AXDND1: variants seen among roughly 807,000 people sequenced by gnomAD.
AXDND1 encodes the protein axonemal dynein light chain domain containing 1.
In AXDND1, 110 loss-of-function variants were observed where a neutral mutation model predicts 137.5. The ratio of observed to expected loss-of-function variants is 0.80; its 90% CI spans 0.69 to 0.94. The LOEUF is 0.94. Among genes scored for constraint, AXDND1 ranks in the 40% least tolerant of loss-of-function variants. The pLI, the probability that AXDND1 is intolerant of heterozygous loss-of-function variation, is 0.00. For missense variants in AXDND1, 1,191 were observed against 1,169.8 expected, an observed-to-expected ratio of 1.02 and a Z score of -0.26; for synonymous variants, 414 against 399.7, an observed-to-expected ratio of 1.04 and a Z score of -0.43.
At position 179,489,133 on chromosome 1, in the gene AXDND1, AGT is replaced by A. The variant is rs1666548174; in HGVS notation, c.2092-2404_2092-2403del. On this transcript the variant is annotated intron_variant, in intron 18 of 25. Transcript: ENST00000367618. The stretch of plus-strand genomic sequence containing the variant: ...AGAAGTCTTTTCACAAAAGAAAAGC[AGT>A]CAATTCATCTTAAAATGTCTTTTAA... Among the ~76,000 whole-genome samples, 2 of 125,780 alleles carry A rather than the reference AGT, an allele frequency of 1.6e-5. 1 individual carries two copies. Among genetic ancestry groups the A allele is most frequent in the African/African-American group, 7.1e-5 (2 of 28,296 alleles). 82.5% of individuals were successfully genotyped at this position (125,780 alleles called of 152,430 possible). A position where few individuals can be genotyped will look rare whatever the true frequency, so the allele number is the denominator to read the frequency against.
chr1:179,459,824 TTTC>T (rs1264535215), intron 16 of AXDND1, among the ~76,000 whole-genome samples: 4 of 143,298 alleles, frequency 2.8e-5, no homozygotes, highest in Admixed American at 1.4e-4. Context: ...TCCTTCTCTT[TTTC>T]TTTTCTTTTC....
chr1:179,402,936 T>A (rs988449695), intron 11 of AXDND1, among the ~76,000 whole-genome samples: 4 of 152,222 alleles, frequency 2.6e-5, no homozygotes, highest in African/African-American at 9.6e-5. Flanking sequence ...TAGCAGCATT[T>A]GTCACAATGG....
chr1:179,375,499 C>T (rs1332230793), intron 4 of AXDND1, among the ~76,000 whole-genome samples: 1 of 149,970 alleles, frequency 6.7e-6, no homozygotes, highest in Non-Finnish European at 1.5e-5. Context: ...TAATGTATAA[C>T]ATATAATGTA....
At chr1:179,443,416 T>A (rs1404858032) in intron 15 of AXDND1, among the ~76,000 whole-genome samples, 1 of 152,190 alleles carries the variant, frequency 6.6e-6, no homozygotes, top group Non-Finnish European at 1.5e-5. Context: ...ACACAAAATT[T>A]ACCATTTTAA....
At chr1:179,429,709 T>G in intron 13 of AXDND1, 90 bp downstream of exon 13, 1 of 661,656 alleles carries the variant, frequency 1.5e-6, no homozygotes, top group East Asian at 3.3e-5. Context: ...ATTTATCGAT[T>G]TTAAAAATAT....
At chr1:179,445,490 A>C (rs1050754301) in intron 16 of AXDND1, among the ~76,000 whole-genome samples, 2 of 151,932 alleles carry the variant, frequency 1.3e-5, no homozygotes, top group Non-Finnish European at 1.5e-5. Flanking sequence ...CTCAAAAGAA[A>C]CCCCATACTC....
At chr1:179,425,784 T>C (rs1656456050) in intron 12 of AXDND1, among the ~76,000 whole-genome samples, 1 of 77,390 alleles carries the variant, frequency 1.3e-5, no homozygotes, top group Non-Finnish European at 2.7e-5. Context: ...AGTTAGACCC[T>C]GTCTCACATA....
chr1:179,447,663 C>G lies in AXDND1; in HGVS notation c.1798+2459C>G, dbSNP rs1031664845. 11 of 1,348,262 alleles carry G rather than the reference C, an allele frequency of 8.2e-6. No homozygotes were observed. In the African/African-American group the frequency reaches 1.3e-4, roughly 16 times the overall value. 83.5% of individuals were successfully genotyped at this position (1,348,262 alleles called of 1,614,324 possible). On this transcript the variant is annotated intron_variant, in intron 16 of 25. Coordinates refer to ENST00000367618, the MANE Select transcript of AXDND1 (RefSeq NM_144696.6). ...CTCGAAGATCTGGTTTTCCACTGTT[C>G]ATTCCAAGATTACTGCCACCTGGTG... is the stretch of plus-strand genomic sequence containing the variant.
At chr1:179,541,026 G>A (rs775807355) in intron 25 of AXDND1, among the ~76,000 whole-genome samples, 20 of 152,250 alleles carry the variant, frequency 1.3e-4, no homozygotes, top group Non-Finnish European at 2.1e-4. Flanking sequence ...CTCTTCCCCC[G>A]ACCAAGCTCC....
intron 16 of AXDND1, chr1:179,447,858 A>G: frequency 3.0e-6 from 4 of 1,330,988 alleles, no homozygotes; most frequent in Non-Finnish European, 4.3e-6. Context: ...CATTGCCAGT[A>G]CTTGGTGGTC....
intron 21 of AXDND1, among the ~76,000 whole-genome samples, chr1:179,518,377 TC>T (rs1558295483): frequency 1.5e-5 from 2 of 134,514 alleles, no homozygotes. Flanking sequence ...TGATACATTT[TC>T]CTTTTTCTTT....
chr1:179,438,565 T>C (rs2125340159), intron 15 of AXDND1, among the ~76,000 whole-genome samples: 1 of 152,296 alleles, frequency 6.6e-6, no homozygotes. Flanking sequence ...TGCTTAAGGC[T>C]CTAGGACACG....
intron 25 of AXDND1, among the ~76,000 whole-genome samples, chr1:179,541,902 A>T (rs1306587295): frequency 1.3e-5 from 2 of 152,212 alleles, no homozygotes; most frequent in Non-Finnish European, 1.5e-5. Context: ...CAACTATTAA[A>T]ATGGTGTTTA....
intron 25 of AXDND1, chr1:179,546,239 C>T (rs1672629850): frequency 6.6e-6 from 1 of 150,586 alleles, no homozygotes; most frequent in Non-Finnish European, 1.5e-5. Flanking sequence ...TGCTCTTCCA[C>T]TAAGATGGGA....
At chr1:179,529,811 TG>T (rs1670888117) in intron 23 of AXDND1, among the ~76,000 whole-genome samples, 1 of 152,216 alleles carries the variant, frequency 6.6e-6, no homozygotes, top group Non-Finnish European at 1.5e-5. Flanking sequence ...AGGCCACTTT[TG>T]TTTCCTGGCC....
intron 25 of AXDND1, chr1:179,552,554 G>T: frequency 2.8e-6 from 4 of 1,423,866 alleles, no homozygotes; most frequent in South Asian, 1.2e-5. Flanking sequence ...TGTTCTCCAC[G>T]AGCAGGCCTT....
intron 7 of AXDND1, among the ~76,000 whole-genome samples, chr1:179,383,025 A>G (rs1400188270): frequency 6.6e-6 from 1 of 152,028 alleles, no homozygotes; most frequent in African/African-American, 2.4e-5. Flanking sequence ...TTTATATTCT[A>G]TGTTTAACCA....
intron 25 of AXDND1, among the ~76,000 whole-genome samples, chr1:179,549,948 G>A (rs1391950850): frequency 3.3e-5 from 5 of 151,972 alleles, no homozygotes; most frequent in Admixed American, 3.3e-4. Context: ...CCCATGTCCT[G>A]TTGCTGCTTC....
chr1:179,380,077 G>A (rs1161183085), intron 6 of AXDND1, among the ~76,000 whole-genome samples: 3 of 151,650 alleles, frequency 2.0e-5, no homozygotes, highest in South Asian at 2.1e-4. Context: ...GTGAAACTCC[G>A]TCTCTACTAA....
Sources: allele counts gnomAD v4.1 joint callset (sites outside exome capture counted in the v4.1 genomes callset), GRCh38; gene constraint gnomAD v4.1.1; transcripts MANE v1.5; gene names NCBI Gene and HGNC (gene_info 2026-07-23, HGNC 2026-07-21).